BBS2: variants seen among roughly 807,000 people sequenced by gnomAD.
BBS2 encodes Bardet-Biedl syndrome 2.
BBS2 carries 62 observed loss-of-function variants against 83.0 expected under a neutral mutation model. The observed-to-expected ratio is 0.75, with a 90% CI of 0.61 to 0.92. The LOEUF (loss-of-function observed/expected upper bound fraction) is 0.92. Ranked by LOEUF, BBS2 falls within the 40% of genes least tolerant of loss-of-function variation. BBS2 has a pLI of 0.00. For synonymous variants in BBS2, 303 were observed against 326.1 expected (o/e 0.93, Z 0.76); for missense variants, 784 against 901.0 (o/e 0.87, Z 1.66).
chr16:56,499,407 G>A (rs1407344546), intron 12 of BBS2: 2 of 320,806 alleles, frequency 6.2e-6, no homozygotes, highest in Non-Finnish European at 1.2e-5. Context: ...AATTTAATGA[G>A]TTAACGTAGC....
chr16:56,499,873 G>A lies in BBS2; in HGVS notation c.1432C>T (p.Leu478Phe). The A allele has an allele frequency of 6.2e-7, 1 of 1,614,142 alleles. No individual in the cohort carries two copies. The highest frequency in any genetic ancestry group is 1.1e-5 in the South Asian group (1 of 91,084). ...QFHVFESTRQ[L>F]PRFSMYALTS... ...AGCGCATACATGGAGAATCGAGGGA[G>A]CTGTCTTGTCGATTCAAATACATGA... is the stretch of plus-strand genomic sequence containing the variant. The change falls in exon 12 of 17, where the codon CTC becomes TTC. Residue 478 changes from leucine (L) to phenylalanine (F), a missense_variant. Transcript: ENST00000245157.
intron 11 of BBS2, 101 bp downstream of exon 11, chr16:56,500,753 T>G: frequency 7.9e-7 from 1 of 1,265,296 alleles, no homozygotes; most frequent in Non-Finnish European, 1.1e-6. Context: ...ATTAAATGGT[T>G]TCTCAGGCCC....
chr16:56,518,063 T>C (rs142191593), intron 1 of BBS2, among the ~76,000 whole-genome samples: 58 of 152,254 alleles, frequency 3.8e-4, no homozygotes, highest in African/African-American at 1.4e-3. Flanking sequence ...ATGATCTGCC[T>C]GCCTCAGCCT....
At chr16:56,502,102 G>A in intron 9 of BBS2, 1 of 676,488 alleles carries the variant, frequency 1.5e-6, no homozygotes, top group South Asian at 1.7e-5. Context: ...AGTGCTGCAG[G>A]AAATGTCCTT....
chr16:56,500,842 G>C lies in BBS2; in HGVS notation c.1397+12C>G. ...GCTGTCCTGAAATGAACTGTGACTTGCAAAGGGTCACCTGCTTCTGTAACC... is the reference window on the plus strand; with the variant it reads ...GCTGTCCTGAAATGAACTGTGACTTCCAAAGGGTCACCTGCTTCTGTAACC... On this transcript the variant is annotated intron_variant, in intron 11 of 16. Coordinates refer to ENST00000245157, the MANE Select transcript of BBS2 (RefSeq NM_031885.5). The C allele has an allele frequency of 6.2e-7, 1 of 1,613,668 alleles. No individual in the cohort carries two copies. The highest frequency in any genetic ancestry group is 8.5e-7 in the Non-Finnish European group (1 of 1,179,740).
intron 5 of BBS2, 175 bp downstream of exon 5, chr16:56,509,782 G>A (rs894612019): frequency 1.5e-5 from 9 of 607,286 alleles, no homozygotes; most frequent in Non-Finnish European, 2.0e-5. Context: ...ATCTTAATTA[G>A]GATTTTTATT....
intron 15 of BBS2, among the ~76,000 whole-genome samples, chr16:56,495,044 G>C (rs529556234): frequency 6.8e-4 from 103 of 151,650 alleles, no homozygotes; most frequent in Non-Finnish European, 1.3e-3. Context: ...AAATACATGA[G>C]TATGTAAGGA....
At position 56,470,824 on chromosome 16, in the gene BBS2, C is replaced by T. The variant is rs553693632; in HGVS notation, c.*1-129G>A. 3.3e-6 allele frequency: 5 copies of T among 1,514,036 alleles called. No homozygotes were observed. The East Asian group carries it at 9.3e-5, about 28-fold the overall frequency. 93.8% of individuals were successfully genotyped at this position (1,514,036 alleles called of 1,614,324 possible). ...GTTGTTAGGATTTGTCCTTACTTAC[C>T]ATTAACCATTCACCATTCAAACATG... is the stretch of plus-strand genomic sequence containing the variant. On this transcript the variant is annotated intron_variant, in intron 17 of 17. Transcript: ENST00000682047.
intron 9 of BBS2, chr16:56,501,932 A>G (rs1328327889): frequency 5.4e-6 from 2 of 370,124 alleles, no homozygotes; most frequent in Non-Finnish European, 1.0e-5. Context: ...AAGACATTCT[A>G]TATTGTTCTT....
intron 5 of BBS2, among the ~76,000 whole-genome samples, chr16:56,509,010 G>A (rs1466676378): frequency 2.0e-5 from 3 of 152,112 alleles, no homozygotes; most frequent in Non-Finnish European, 4.4e-5. Context: ...TTACATGAGT[G>A]ATTCTAATCA....
At chr16:56,511,127 G>A in intron 3 of BBS2, 32 bp downstream of exon 3, 1 of 1,613,326 alleles carries the variant, frequency 6.2e-7, no homozygotes, top group Non-Finnish European at 8.5e-7. Context: ...AAATGCTTAA[G>A]GGTACCAAAA....
rs1963723828 is a variant in BBS2, at chr16:56,484,625, T to A, written c.*136A>T. ...CTATCTTCACATGTAGTTCTTTGTC[T>A]TTAATTTGTACAACTCACCAAGGTT... On this transcript the variant is annotated 3_prime_UTR_variant, in exon 17 of 17. Transcript: ENST00000245157. The A allele has an allele frequency of 1.4e-6, 1 of 727,956 alleles. No homozygotes were observed. Among genetic ancestry groups the A allele is most frequent in the Admixed American group, 2.1e-5 (1 of 47,642 alleles). 45.1% of individuals were successfully genotyped at this position (727,956 alleles called of 1,614,324 possible).
chr16:56,517,931 T>C (rs1285116470), intron 1 of BBS2, among the ~76,000 whole-genome samples: 1 of 151,952 alleles, frequency 6.6e-6, no homozygotes, highest in Admixed American at 6.6e-5. Context: ...GTGATTCTCC[T>C]GCCTCAACCT....
At chr16:56,489,787 C>T (rs371446428) in intron 15 of BBS2, among the ~76,000 whole-genome samples, 1 of 148,214 alleles carries the variant, frequency 6.7e-6, no homozygotes, top group African/African-American at 2.5e-5. Flanking sequence ...GCAACAAGAG[C>T]GAAACTCCAT....
At chr16:56,484,324 C>G, downstream of BBS2, 2 of 180,378 alleles carry the variant, frequency 1.1e-5, no homozygotes, top group Non-Finnish European at 1.2e-5. Flanking sequence ...TTTTTCTCTA[C>G]TACAAAATAC....
intron 17 of BBS2, chr16:56,475,363 G>A: frequency 2.6e-6 from 2 of 771,638 alleles, no homozygotes; most frequent in Non-Finnish European, 4.5e-6. Flanking sequence ...TAGATGATAA[G>A]TTCAAGCTCA....
intron 5 of BBS2, among the ~76,000 whole-genome samples, chr16:56,508,774 C>T (rs1196274538): frequency 3.3e-5 from 5 of 151,946 alleles, no homozygotes; most frequent in Admixed American, 3.3e-4. Flanking sequence ...GTCTCCCAAG[C>T]AGCTGGGACT....
rs758548498 is a variant in BBS2 at position 56,502,435 on chromosome 16, G to A, written c.962C>T (p.Thr321Met). Reference protein sequence around the residue: ...DGEIRGYLPGTAEMRGNLMDT... With the variant: ...DGEIRGYLPGMAEMRGNLMDT... The stretch of plus-strand genomic sequence containing the variant: ...CATGAGGTTGCCCCTCATCTCAGCC[G>A]TGCCAGGCAGGTAGCCCCGGACTGA... The change falls in exon 9 of 17, where the codon ACG (threonine) becomes ATG (methionine). Residue 321 changes from threonine to methionine, a missense_variant. Transcript: ENST00000245157. 1.2e-4 allele frequency: 186 copies of A among 1,614,062 alleles called. No individual in the cohort carries two copies. The highest frequency in any genetic ancestry group is 1.4e-4 in the Non-Finnish European group (161 of 1,180,048).
intron 5 of BBS2, among the ~76,000 whole-genome samples, chr16:56,507,806 AAAAATAC>A (rs1171523361): frequency 2.0e-5 from 3 of 152,034 alleles, no homozygotes; most frequent in Admixed American, 1.3e-4. Flanking sequence ...CATCTCTACT[AAAAATAC>A]AAAAATTAGC....
Sources: allele counts gnomAD v4.1 joint callset (sites outside exome capture counted in the v4.1 genomes callset), GRCh38; gene constraint gnomAD v4.1.1; transcripts MANE v1.5; gene names NCBI Gene and HGNC (gene_info 2026-07-23, HGNC 2026-07-21).